ERBB4: variants seen among roughly 807,000 people sequenced by gnomAD.
ERBB4 encodes the protein receptor tyrosine-protein kinase erbB-4.
A neutral mutation model predicts 158.0 loss-of-function variants in ERBB4; 42 were observed. That is an observed-to-expected ratio of 0.27 (90% CI 0.21 to 0.34). The LOEUF is 0.34. Among genes scored for constraint, ERBB4 ranks in the 10% least tolerant of loss-of-function variants. ERBB4 has a pLI of 1.00. For synonymous variants in ERBB4, 583 were observed against 558.7 expected (o/e 1.04, Z -0.61); for missense variants, 1,333 against 1,624.1 (o/e 0.82, Z 3.08).
chr2:212,374,045 CATAT>C (rs111656310), intron 1 of ERBB4, among the ~76,000 whole-genome samples: 8,097 of 106,844 alleles, frequency 0.076, 1,523 homozygotes, highest in South Asian at 0.11. Context: ...CATATATATC[CATAT>C]ATATATATCC....
chr2:212,139,627 T>C (rs990308471), intron 1 of ERBB4, among the ~76,000 whole-genome samples: 4 of 152,004 alleles, frequency 2.6e-5, no homozygotes, highest in Non-Finnish European at 5.9e-5. Flanking sequence ...AATACTTGCA[T>C]AGTTATTTTT....
intron 20 of ERBB4, among the ~76,000 whole-genome samples, chr2:211,530,972 A>G (rs2066483646): frequency 6.6e-6 from 1 of 152,122 alleles, no homozygotes; most frequent in Non-Finnish European, 1.5e-5. Flanking sequence ...AAACATGTAG[A>G]CCAGTGGAAC....
intron 2 of ERBB4, among the ~76,000 whole-genome samples, chr2:212,053,820 T>C (rs1360109460): frequency 6.6e-6 from 1 of 152,224 alleles, no homozygotes; most frequent in Admixed American, 6.5e-5. Flanking sequence ...CAGGTTTCTA[T>C]TATCAATTCT....
intron 3 of ERBB4, among the ~76,000 whole-genome samples, chr2:211,825,472 T>C (rs1408436427): frequency 6.6e-6 from 1 of 151,782 alleles, no homozygotes; most frequent in East Asian, 1.9e-4. Flanking sequence ...CAACAACAAA[T>C]TAAATCCCAT....
At chr2:212,458,596 G>A (rs570965482) in intron 1 of ERBB4, among the ~76,000 whole-genome samples, 5 of 151,968 alleles carry the variant, frequency 3.3e-5, no homozygotes, top group African/African-American at 1.2e-4. Context: ...AAAGTTTTAG[G>A]TACAAGAGTC....
chr2:211,495,819 A>G (rs566446120), intron 20 of ERBB4, among the ~76,000 whole-genome samples: 1 of 152,196 alleles, frequency 6.6e-6, no homozygotes, highest in East Asian at 1.9e-4. Context: ...ATTAATATAC[A>G]GTATTAATAA....
chr2:212,286,767 A>ATTTTGTTTTTTTTTTTTTTTT (rs2085995028), intron 1 of ERBB4, among the ~76,000 whole-genome samples: 2 of 39,562 alleles, frequency 5.1e-5, no homozygotes, highest in Non-Finnish European at 8.4e-5. Context: ...ATGAGGGTTA[A>ATTTTGTTTTTTTTTTTTTTTT]TTTTTTTTTT....
At position 211,882,869 on chromosome 2, in the gene ERBB4, T is replaced by C. The variant is rs1271543581; in HGVS notation, c.421+64561A>G. On this transcript the variant is annotated intron_variant, in intron 3 of 27. Coordinates refer to ENST00000342788, the MANE Select transcript of ERBB4 (RefSeq NM_005235.3). ...TGTAATTTATCTTCACTTCACTCAA[T>C]CCATATCTATTACCTATCTCCTTGT... Among the ~76,000 whole-genome samples, 6 of 152,292 alleles carry C rather than the reference T, an allele frequency of 3.9e-5. 1 individual carries two copies. The South Asian group carries it at 1.2e-3, about 32-fold the overall frequency.
chr2:212,222,072 T>C (rs1360666490), intron 1 of ERBB4, among the ~76,000 whole-genome samples: 1 of 151,624 alleles, frequency 6.6e-6, no homozygotes, highest in African/African-American at 2.4e-5. Context: ...TTTTAGTTTA[T>C]AAATTCCTAT....
At chr2:211,399,180 C>T (rs968926273) in intron 25 of ERBB4, among the ~76,000 whole-genome samples, 1 of 152,002 alleles carries the variant, frequency 6.6e-6, no homozygotes, top group African/African-American at 2.4e-5. Flanking sequence ...CATTATATGC[C>T]CCATGTGAAT....
intron 20 of ERBB4, among the ~76,000 whole-genome samples, chr2:211,439,329 A>G (rs899021387): frequency 6.6e-6 from 1 of 151,726 alleles, no homozygotes; most frequent in Non-Finnish European, 1.5e-5. Flanking sequence ...ACAAATAGTT[A>G]GTTGGTTTTT....
intron 3 of ERBB4, among the ~76,000 whole-genome samples, chr2:211,925,779 C>T (rs184546091): frequency 1.3e-5 from 2 of 152,200 alleles, no homozygotes; most frequent in Admixed American, 6.5e-5. Flanking sequence ...TACAATATTT[C>T]ACAATAAAGA....
At chr2:212,088,277 C>T (rs1260522617) in intron 2 of ERBB4, among the ~76,000 whole-genome samples, 1 of 152,050 alleles carries the variant, frequency 6.6e-6, no homozygotes, top group Non-Finnish European at 1.5e-5. Context: ...CAGGTATCAC[C>T]TTATTATAAT....
chr2:212,345,576 A>G (rs1380651204), intron 1 of ERBB4, among the ~76,000 whole-genome samples: 2 of 152,178 alleles, frequency 1.3e-5, no homozygotes, highest in Admixed American at 6.5e-5. Context: ...CTCTCGGACA[A>G]TAAGTTTTTA....
At chr2:211,693,561 C>G (rs1289252052) in intron 12 of ERBB4, among the ~76,000 whole-genome samples, 1 of 152,102 alleles carries the variant, frequency 6.6e-6, no homozygotes, top group Non-Finnish European at 1.5e-5. Flanking sequence ...TCTCAAATGT[C>G]TTTTTGACTA....
At chr2:211,414,658 G>C (rs1397026225) in intron 25 of ERBB4, among the ~76,000 whole-genome samples, 1 of 152,006 alleles carries the variant, frequency 6.6e-6, no homozygotes, top group Non-Finnish European at 1.5e-5. Context: ...TTTCAGTTTA[G>C]TTTTTTTATC....
chr2:212,282,308 A>G (rs2085788144), intron 1 of ERBB4, among the ~76,000 whole-genome samples: 1 of 151,940 alleles, frequency 6.6e-6, no homozygotes, highest in Non-Finnish European at 1.5e-5. Flanking sequence ...TGACTTGGCA[A>G]CAGAGCTGGG....
chr2:211,978,775 T>A (rs1184696223), intron 2 of ERBB4, among the ~76,000 whole-genome samples: 1 of 152,190 alleles, frequency 6.6e-6, no homozygotes, highest in Non-Finnish European at 1.5e-5. Context: ...GTCACCATCA[T>A]AAATTGGTGA....
chr2:211,406,991 G>A (rs2063160692), intron 25 of ERBB4, among the ~76,000 whole-genome samples: 1 of 151,950 alleles, frequency 6.6e-6, no homozygotes, highest in Non-Finnish European at 1.5e-5. Context: ...GAGGTAAGAG[G>A]ATTGCTTGAT....
Sources: allele counts gnomAD v4.1 joint callset (sites outside exome capture counted in the v4.1 genomes callset), GRCh38; gene constraint gnomAD v4.1.1; transcripts MANE v1.5; gene names NCBI Gene and HGNC (gene_info 2026-07-23, HGNC 2026-07-21).